CHCHD6: variants seen among roughly 807,000 people sequenced by gnomAD.
CHCHD6 encodes the protein coiled-coil-helix-coiled-coil-helix domain containing 6, also known as MICOS complex subunit MIC25.
In CHCHD6, 28 loss-of-function variants were observed where a neutral mutation model predicts 32.3. That is an observed-to-expected ratio of 0.87 (90% confidence interval 0.64 to 1.19). The LOEUF (loss-of-function observed/expected upper bound fraction) is 1.19, where lower values mean the gene tolerates loss of function less well. CHCHD6 is among the 50% of genes most tolerant of loss of function. The pLI, the probability that CHCHD6 is intolerant of heterozygous loss-of-function variation, is 0.00. For missense variants in CHCHD6, 333 were observed against 307.0 expected, an observed-to-expected ratio of 1.08 and a Z score of -0.63; for synonymous variants, 122 against 117.5, an observed-to-expected ratio of 1.04 and a Z score of -0.25.
chr3:126,712,939 C>G (rs1341459670), intron 1 of CHCHD6, among the ~76,000 whole-genome samples: 1 of 152,224 alleles, frequency 6.6e-6, no homozygotes, highest in African/African-American at 2.4e-5. Context: ...GCTCTACTAT[C>G]CAGTCCTTCA....
chr3:126,912,977 C>A (rs1385207187), intron 5 of CHCHD6, among the ~76,000 whole-genome samples: 6 of 135,642 alleles, frequency 4.4e-5, no homozygotes, highest in African/African-American at 1.1e-4. Flanking sequence ...CTGTGCACCT[C>A]TCACTTCGTG....
At chr3:126,800,505 G>T (rs1489458897) in intron 4 of CHCHD6, among the ~76,000 whole-genome samples, 1 of 152,186 alleles carries the variant, frequency 6.6e-6, no homozygotes, top group East Asian at 1.9e-4. Flanking sequence ...CTCTGAAAGT[G>T]GGGTTCAGGT....
intron 5 of CHCHD6, among the ~76,000 whole-genome samples, chr3:126,897,637 C>T (rs2077860098): frequency 6.6e-6 from 1 of 152,230 alleles, no homozygotes; most frequent in Non-Finnish European, 1.5e-5. Context: ...CTCTCTGAAC[C>T]TGTTTTCTCA....
chr3:126,934,609 C>T (rs2078452697), intron 6 of CHCHD6, among the ~76,000 whole-genome samples: 1 of 136,964 alleles, frequency 7.3e-6, no homozygotes, highest in South Asian at 2.3e-4. Context: ...AGTGCAGTGG[C>T]ACAATCTCGG....
intron 6 of CHCHD6, among the ~76,000 whole-genome samples, chr3:126,926,379 C>A (rs191006426): frequency 1.3e-5 from 2 of 152,278 alleles, no homozygotes; most frequent in African/African-American, 4.8e-5. Flanking sequence ...GGAAGAAATA[C>A]CCCATGACAG....
chr3:126,789,533 T>C (rs1938413520), intron 4 of CHCHD6, among the ~76,000 whole-genome samples: 1 of 152,236 alleles, frequency 6.6e-6, no homozygotes, highest in African/African-American at 2.4e-5. Context: ...ATATTTAGGA[T>C]AGTTAGCTCT....
intron 4 of CHCHD6, among the ~76,000 whole-genome samples, chr3:126,759,145 G>A (rs553045413): frequency 6.6e-6 from 1 of 152,308 alleles, no homozygotes; most frequent in South Asian, 2.1e-4. Context: ...TGGTGTTCTT[G>A]TAATCCAGTG....
chr3:126,850,156 G>T (rs1353087185), intron 4 of CHCHD6, among the ~76,000 whole-genome samples: 1 of 152,234 alleles, frequency 6.6e-6, no homozygotes, highest in Non-Finnish European at 1.5e-5. Flanking sequence ...AGAGCCAGTG[G>T]GCAGGGCTTT....
intron 5 of CHCHD6, among the ~76,000 whole-genome samples, chr3:126,877,039 A>G (rs562580377): frequency 5.9e-5 from 9 of 152,186 alleles, no homozygotes; most frequent in Admixed American, 1.3e-4. Context: ...ACAACCACTA[A>G]TTGAGATTCT....
chr3:126,727,550 T>C (rs1223117212), intron 2 of CHCHD6, among the ~76,000 whole-genome samples: 1 of 152,192 alleles, frequency 6.6e-6, no homozygotes, highest in Non-Finnish European at 1.5e-5. Context: ...CAAAGAATGA[T>C]GTGGATTCAC....
chr3:126,855,250 C>T (rs1189564330), intron 5 of CHCHD6, among the ~76,000 whole-genome samples: 1 of 152,144 alleles, frequency 6.6e-6, no homozygotes, highest in African/African-American at 2.4e-5. Flanking sequence ...TATGGTGTAA[C>T]TGATGGAGTG....
intron 6 of CHCHD6, among the ~76,000 whole-genome samples, chr3:126,942,248 C>T (rs565789656): frequency 2.6e-5 from 4 of 152,306 alleles, no homozygotes; most frequent in African/African-American, 4.8e-5. Flanking sequence ...GGTATCTCCA[C>T]GGTCTCCCTG....
At chr3:126,807,074 G>A (rs1336351140) in intron 4 of CHCHD6, among the ~76,000 whole-genome samples, 1 of 149,046 alleles carries the variant, frequency 6.7e-6, no homozygotes, top group East Asian at 2.0e-4. Context: ...GGGAGGGATA[G>A]CATTAGGCGA....
intron 5 of CHCHD6, among the ~76,000 whole-genome samples, chr3:126,904,960 G>A (rs2077984359): frequency 6.6e-6 from 1 of 152,202 alleles, no homozygotes; most frequent in Non-Finnish European, 1.5e-5. Flanking sequence ...GCTAGGATGT[G>A]AGGTGATGAG....
intron 6 of CHCHD6, among the ~76,000 whole-genome samples, chr3:126,940,150 A>C (rs77986944): frequency 0.029 from 4,437 of 152,348 alleles, 97 homozygotes; most frequent in Non-Finnish European, 0.039. Flanking sequence ...AAAATGATAC[A>C]TGAATATTGT....
intron 5 of CHCHD6, among the ~76,000 whole-genome samples, chr3:126,913,718 C>T (rs555220075): frequency 2.0e-4 from 30 of 152,352 alleles, no homozygotes; most frequent in South Asian, 8.3e-4. Flanking sequence ...CACATGTGGG[C>T]TTCACCACAC....
At chr3:126,926,159 CAG>C (rs2078321622) in intron 6 of CHCHD6, among the ~76,000 whole-genome samples, 1 of 152,346 alleles carries the variant, frequency 6.6e-6, no homozygotes, top group South Asian at 2.1e-4. Context: ...CCACCCAAGA[CAG>C]AGTTAGCTCT....
intron 4 of CHCHD6, among the ~76,000 whole-genome samples, chr3:126,816,786 A>G (rs1939927879): frequency 6.6e-6 from 1 of 152,132 alleles, no homozygotes; most frequent in Admixed American, 6.5e-5. Context: ...ATATGTATAC[A>G]TGTGCCATGT....
chr3:126,867,099 C>A (rs1942314019), intron 5 of CHCHD6, among the ~76,000 whole-genome samples: 2 of 152,214 alleles, frequency 1.3e-5, no homozygotes, highest in African/African-American at 4.8e-5. Context: ...GGTTCTTATT[C>A]TCCTGTTCTC....
Sources: allele counts gnomAD v4.1 joint callset (sites outside exome capture counted in the v4.1 genomes callset), GRCh38; gene constraint gnomAD v4.1.1; transcripts MANE v1.5; gene names NCBI Gene and HGNC (gene_info 2026-07-23, HGNC 2026-07-21).